ROBO2: variants seen among roughly 807,000 people sequenced by gnomAD.
ROBO2 encodes the protein roundabout guidance receptor 2, also known as roundabout homolog 2.
In ROBO2, 53 loss-of-function variants were observed where a neutral mutation model predicts 160.8. The ratio of observed to expected loss-of-function variants is 0.33; its 90% CI spans 0.26 to 0.41. The LOEUF is 0.41. Ranked by LOEUF, ROBO2 falls within the 10% of genes least tolerant of loss-of-function variation. ROBO2 has a pLI of 1.00. For missense variants in ROBO2, 1,577 were observed against 1,722.4 expected, an observed-to-expected ratio of 0.92 and a Z score of 1.49; for synonymous variants, 664 against 611.7, an observed-to-expected ratio of 1.09 and a Z score of -1.26.
At chr3:76,554,030 G>A (rs972271957) in intron 2 of ROBO2, among the ~76,000 whole-genome samples, 3 of 152,074 alleles carry the variant, frequency 2.0e-5, no homozygotes, top group African/African-American at 7.2e-5. Context: ...TTAGAAAAAC[G>A]TGAACACTCG....
intron 2 of ROBO2, among the ~76,000 whole-genome samples, chr3:76,935,103 C>A (rs549067051): frequency 6.6e-6 from 1 of 152,072 alleles, no homozygotes; most frequent in African/African-American, 2.4e-5. Flanking sequence ...AGGCACATGC[C>A]ACCACACCTG....
chr3:76,643,889 GA>G (rs950746598), intron 2 of ROBO2, among the ~76,000 whole-genome samples: 19 of 146,894 alleles, frequency 1.3e-4, no homozygotes, highest in East Asian at 4.0e-4. Context: ...CACACTTGGA[GA>G]AAAAAAAAAG....
chr3:75,991,857 T>C (rs1304292607), intron 2 of ROBO2, among the ~76,000 whole-genome samples: 2 of 152,154 alleles, frequency 1.3e-5, no homozygotes, highest in Non-Finnish European at 2.9e-5. Context: ...GATGAGGAAC[T>C]AGACTCGTTC....
intron 2 of ROBO2, among the ~76,000 whole-genome samples, chr3:77,107,002 A>G (rs1339942431): frequency 1.3e-5 from 2 of 152,214 alleles, no homozygotes; most frequent in Non-Finnish European, 1.5e-5. Flanking sequence ...TCAAGCTACT[A>G]CAAGAAAATA....
At chr3:75,981,884 A>G (rs968844119) in intron 2 of ROBO2, among the ~76,000 whole-genome samples, 1 of 149,764 alleles carries the variant, frequency 6.7e-6, no homozygotes, top group East Asian at 2.0e-4. Context: ...TTTTTTACCT[A>G]TTAACAATCT....
chr3:77,042,412 G>T (rs576353026), intron 1 of ROBO2, among the ~76,000 whole-genome samples: 1 of 152,168 alleles, frequency 6.6e-6, no homozygotes, highest in South Asian at 2.1e-4. Context: ...CATAAATCAT[G>T]AATTTACATA....
chr3:76,837,943 A>G (rs560108527), intron 2 of ROBO2, among the ~76,000 whole-genome samples: 1 of 152,046 alleles, frequency 6.6e-6, no homozygotes, highest in South Asian at 2.1e-4. Flanking sequence ...AATTTGGAGT[A>G]TTTTCCCAAC....
intron 2 of ROBO2, among the ~76,000 whole-genome samples, chr3:77,133,215 C>T (rs989457466): frequency 1.4e-4 from 21 of 152,064 alleles, no homozygotes; most frequent in African/African-American, 4.8e-4. Context: ...GAAAGGCAAA[C>T]ACATATTATG....
At chr3:77,349,936 G>A (rs917191061) in intron 2 of ROBO2, among the ~76,000 whole-genome samples, 3 of 151,890 alleles carry the variant, frequency 2.0e-5, no homozygotes, top group Admixed American at 6.6e-5. Flanking sequence ...GTCTGGTCCC[G>A]ATGTTAGTTA....
intron 2 of ROBO2, among the ~76,000 whole-genome samples, chr3:76,452,708 T>A (rs1328703342): frequency 2.0e-5 from 3 of 152,228 alleles, no homozygotes; most frequent in African/African-American, 7.2e-5. Flanking sequence ...GATGGCTGGG[T>A]CAAATGGTAT....
At chr3:76,940,565 G>A (rs1262309157) in intron 2 of ROBO2, among the ~76,000 whole-genome samples, 2 of 152,002 alleles carry the variant, frequency 1.3e-5, no homozygotes, top group Non-Finnish European at 2.9e-5. Flanking sequence ...TGTCTTTCAC[G>A]CTGACTCTAA....
intron 2 of ROBO2, among the ~76,000 whole-genome samples, chr3:75,979,937 A>C (rs1453527849): frequency 6.6e-6 from 1 of 151,578 alleles, no homozygotes; most frequent in Non-Finnish European, 1.5e-5. Flanking sequence ...ATTTCCTAAA[A>C]AATACCCATA....
chr3:76,430,405 A>G (rs924996545), intron 2 of ROBO2, among the ~76,000 whole-genome samples: 4 of 152,160 alleles, frequency 2.6e-5, no homozygotes, highest in African/African-American at 4.8e-5. Flanking sequence ...TCCTTTTTCA[A>G]AGTATCTCAC....
chr3:77,194,949 C>G (rs988063620), intron 2 of ROBO2, among the ~76,000 whole-genome samples: 5 of 151,752 alleles, frequency 3.3e-5, no homozygotes, highest in African/African-American at 1.2e-4. Context: ...TATTACATGG[C>G]TCTTGGAAGA....
At chr3:76,128,205 C>T (rs2071077882) in intron 2 of ROBO2, among the ~76,000 whole-genome samples, 1 of 152,016 alleles carries the variant, frequency 6.6e-6, no homozygotes, top group Non-Finnish European at 1.5e-5. Flanking sequence ...GAAGAATGTT[C>T]TTCTAAGGAT....
chr3:76,798,305 AAAG>A (rs1233106150), intron 2 of ROBO2, among the ~76,000 whole-genome samples: 17 of 151,368 alleles, frequency 1.1e-4, no homozygotes, highest in South Asian at 6.3e-4. Context: ...AGAAAGAAAG[AAAG>A]AAAGAAAAAA....
At chr3:76,566,356 C>T (rs1407937059) in intron 2 of ROBO2, among the ~76,000 whole-genome samples, 1 of 152,130 alleles carries the variant, frequency 6.6e-6, no homozygotes. Flanking sequence ...GAGGCACACC[C>T]CAGAGGCCTT....
intron 6 of ROBO2, among the ~76,000 whole-genome samples, chr3:77,527,008 GACA>G (rs1415482049): frequency 7.3e-5 from 11 of 151,388 alleles, no homozygotes; most frequent in African/African-American, 2.7e-4. Context: ...ATTTAAATCA[GACA>G]GCGAGGCCTT....
chr3:77,055,809 G>C (rs1296154311), intron 1 of ROBO2, among the ~76,000 whole-genome samples: 1 of 151,828 alleles, frequency 6.6e-6, no homozygotes, highest in Non-Finnish European at 1.5e-5. Context: ...TTACTTTTTC[G>C]CTTCTAATTT....
Sources: allele counts gnomAD v4.1 joint callset (sites outside exome capture counted in the v4.1 genomes callset), GRCh38; gene constraint gnomAD v4.1.1; transcripts MANE v1.5; gene names NCBI Gene and HGNC (gene_info 2026-07-23, HGNC 2026-07-21).